The following SRGAP1 variants were observed in gnomAD, a reference collection of about 807,000 sequenced individuals.
SRGAP1 encodes SLIT-ROBO Rho GTPase activating protein 1.
In SRGAP1, 43 loss-of-function variants were observed where a neutral mutation model predicts 121.9. The ratio of observed to expected loss-of-function variants is 0.35; its 90% CI spans 0.28 to 0.46. The LOEUF (loss-of-function observed/expected upper bound fraction) is 0.46. Among genes scored for constraint, SRGAP1 ranks in the 20% least tolerant of loss-of-function variants. The pLI is 1.00. For synonymous variants in SRGAP1, 447 were observed against 485.4 expected (o/e 0.92, Z 1.04); for missense variants, 1,102 against 1,350.9 (o/e 0.82, Z 2.89).
chr12:64,081,747 CATG>C (rs1396441914), intron 10 of SRGAP1: 2 of 150,740 alleles, frequency 1.3e-5, no homozygotes, highest in African/African-American at 2.4e-5. Context: ...GCTAAAGTGT[CATG>C]ATGTCTGCAA....
At chr12:63,963,322 A>T (rs964472319) in intron 1 of SRGAP1, among the ~76,000 whole-genome samples, 1 of 152,188 alleles carries the variant, frequency 6.6e-6, no homozygotes, top group Admixed American at 6.5e-5. Flanking sequence ...AAGTTTTAAG[A>T]TAGTGTCATC....
intron 21 of SRGAP1, among the ~76,000 whole-genome samples, chr12:64,138,490 T>A (rs1395031950): frequency 2.9e-5 from 4 of 140,058 alleles, no homozygotes; most frequent in African/African-American, 1.1e-4. Context: ...TCTCACTCTG[T>A]CACCCAGGCT....
At chr12:64,023,046 C>G (rs760386774) in intron 4 of SRGAP1, among the ~76,000 whole-genome samples, 7 of 152,202 alleles carry the variant, frequency 4.6e-5, no homozygotes, top group South Asian at 4.2e-4. Context: ...GCCTCCTCAT[C>G]ATCATCGCCC....
intron 3 of SRGAP1, among the ~76,000 whole-genome samples, chr12:63,998,939 C>T (rs1418239413): frequency 3.3e-5 from 5 of 152,114 alleles, no homozygotes; most frequent in African/African-American, 1.2e-4. Flanking sequence ...GTAACCAATA[C>T]AGGCCTTCTC....
chr12:64,013,396 G>T (rs530812500), intron 3 of SRGAP1, among the ~76,000 whole-genome samples: 127 of 152,242 alleles, frequency 8.3e-4, no homozygotes, highest in Admixed American at 1.4e-3. Flanking sequence ...CAAATTAGTC[G>T]CATAAACCAG....
chr12:63,866,886 T>A (rs80159028), intron 1 of SRGAP1, among the ~76,000 whole-genome samples: 12 of 151,782 alleles, frequency 7.9e-5, no homozygotes, highest in African/African-American at 1.2e-4. Context: ...TTTTTTTTTT[T>A]GAGACAGGCT....
At chr12:63,950,805 T>C (rs1225123096) in intron 1 of SRGAP1, among the ~76,000 whole-genome samples, 1 of 152,174 alleles carries the variant, frequency 6.6e-6, no homozygotes, top group African/African-American at 2.4e-5. Context: ...ATTGATCATT[T>C]CAAACAGTGA....
intron 1 of SRGAP1, among the ~76,000 whole-genome samples, chr12:63,953,595 C>G (rs532732054): frequency 1.5e-4 from 23 of 151,472 alleles, no homozygotes; most frequent in Non-Finnish European, 2.4e-4. Context: ...TTTTTACAGA[C>G]AAGATTTCAC....
intron 1 of SRGAP1, among the ~76,000 whole-genome samples, chr12:63,963,285 C>G (rs2032696340): frequency 6.6e-6 from 1 of 152,058 alleles, no homozygotes; most frequent in African/African-American, 2.4e-5. Context: ...GCATATTTTT[C>G]TTCTTTTTAA....
At chr12:63,980,140 G>A (rs2033208707) in intron 1 of SRGAP1, among the ~76,000 whole-genome samples, 1 of 152,182 alleles carries the variant, frequency 6.6e-6, no homozygotes, top group South Asian at 2.1e-4. Flanking sequence ...ATTGCCTCAA[G>A]CTCTAGGGCT....
At chr12:63,921,981 C>CTTTTTTTT (rs745306989) in intron 1 of SRGAP1, among the ~76,000 whole-genome samples, 2 of 143,634 alleles carry the variant, frequency 1.4e-5, no homozygotes, top group Non-Finnish European at 3.1e-5. Flanking sequence ...TGATTTCTTT[C>CTTTTTTTT]TTTTTTTTTT....
At chr12:64,013,230 TG>T (rs2034302069) in intron 3 of SRGAP1, among the ~76,000 whole-genome samples, 1 of 152,218 alleles carries the variant, frequency 6.6e-6, no homozygotes, top group Non-Finnish European at 1.5e-5. Context: ...TGTAATAAAC[TG>T]GAAACATATT....
chr12:64,019,906 G>A (rs780557285), intron 4 of SRGAP1, among the ~76,000 whole-genome samples: 9 of 152,186 alleles, frequency 5.9e-5, no homozygotes, highest in Non-Finnish European at 1.3e-4. Flanking sequence ...TCAGGGAATT[G>A]AGGATGCTTT....
At chr12:64,063,258 G>A (rs1193528815) in intron 7 of SRGAP1, 120 bp downstream of exon 7, 2 of 908,186 alleles carry the variant, frequency 2.2e-6, no homozygotes, top group Non-Finnish European at 3.3e-6. Context: ...TCCTTGCAGA[G>A]GCTCTTAATA....
At chr12:64,087,053 T>C (rs191006412) in intron 11 of SRGAP1, 27 bp downstream of exon 11, 33 of 1,540,612 alleles carry the variant, frequency 2.1e-5, no homozygotes, top group African/African-American at 9.5e-5. Flanking sequence ...TCATAACTTA[T>C]AGCGTATTTT....
At chr12:63,930,558 C>T (rs17099923) in intron 1 of SRGAP1, among the ~76,000 whole-genome samples, 4,998 of 152,122 alleles carry the variant, frequency 0.033, 274 homozygotes, top group African/African-American at 0.11. Context: ...TGTTAGGTGT[C>T]ACTTTTCTCT....
intron 1 of SRGAP1, among the ~76,000 whole-genome samples, chr12:63,968,163 T>C (rs1044701230): frequency 3.3e-5 from 5 of 152,372 alleles, no homozygotes; most frequent in Middle Eastern, 3.4e-3. Context: ...TACACTATTA[T>C]TGATGTGAAT....
At chr12:63,952,375 A>G (rs1178115994) in intron 1 of SRGAP1, among the ~76,000 whole-genome samples, 1 of 152,010 alleles carries the variant, frequency 6.6e-6, no homozygotes, top group Non-Finnish European at 1.5e-5. Context: ...AATTAGCCAG[A>G]TATGGTGGTA....
intron 1 of SRGAP1, among the ~76,000 whole-genome samples, chr12:63,850,985 G>A (rs1257460535): frequency 6.6e-6 from 1 of 150,392 alleles, no homozygotes; most frequent in Non-Finnish European, 1.5e-5. Context: ...GTGAAATCTC[G>A]TCTCTACTAA....
Sources: gnomAD v4.1 joint callset for allele counts (sites outside exome capture counted in the v4.1 genomes callset) on GRCh38, gnomAD v4.1.1 for gene constraint, MANE v1.5 for transcripts, NCBI Gene and HGNC (gene_info 2026-07-23, HGNC 2026-07-21) for gene names.